The following ZNF462 variants were observed in gnomAD, a reference collection of about 807,000 sequenced individuals.
ZNF462 encodes zinc finger protein 462.
A neutral mutation model predicts 201.9 loss-of-function variants in ZNF462; 10 were observed. That is an observed-to-expected ratio of 0.05 (90% CI 0.03 to 0.08). The LOEUF (loss-of-function observed/expected upper bound fraction) is 0.08, where lower values mean the gene tolerates loss of function less well. Ranked by LOEUF, ZNF462 falls within the 10% of genes least tolerant of loss-of-function variation. The pLI, the probability that ZNF462 is intolerant of heterozygous loss-of-function variation, is 1.00. For missense variants in ZNF462, 2,523 were observed against 3,168.3 expected (o/e 0.80, Z 4.89); for synonymous variants, 1,227 against 1,193.3 (o/e 1.03, Z -0.58).
rs183614527 is a variant in ZNF462, at chr9:106,946,863, A to C, written c.6427+7756A>C. Among the ~76,000 whole-genome samples, 90 of 152,270 alleles carry C rather than the reference A, an allele frequency of 5.9e-4. 1 individual carries two copies. Among genetic ancestry groups the C allele is most frequent in the Middle Eastern group, 3.4e-3 (1 of 292 alleles). ...GAGGTGAGAATAAGATGCCAGAAAT[A>C]ACTTTTTAGCTACAATTATTTTTTT... is the stretch of plus-strand genomic sequence containing the variant. On this transcript the variant is annotated intron_variant, in intron 7 of 12. Coordinates refer to ENST00000277225, the MANE Select transcript of ZNF462 (RefSeq NM_021224.6).
chr9:106,965,525 T>C (rs944070039), intron 7 of ZNF462, among the ~76,000 whole-genome samples: 1 of 152,018 alleles, frequency 6.6e-6, no homozygotes, highest in Non-Finnish European at 1.5e-5. Flanking sequence ...GGCATGTCTC[T>C]GATGCGTTAT....
chr9:106,988,791 T>C (rs980574281), intron 10 of ZNF462, among the ~76,000 whole-genome samples: 2 of 152,146 alleles, frequency 1.3e-5, no homozygotes, highest in African/African-American at 4.8e-5. Flanking sequence ...CTTTATTTTT[T>C]TGCGGCTATT....
At chr9:106,914,191 A>T (rs774892535) in intron 1 of ZNF462, among the ~76,000 whole-genome samples, 2 of 141,356 alleles carry the variant, frequency 1.4e-5, no homozygotes, top group Non-Finnish European at 3.2e-5. Flanking sequence ...TTGACCCTCT[A>T]AGGATCCAGA....
rs527567999 is a variant in ZNF462, at chr9:106,992,443, A to G, written c.7056+8034A>G. Among the ~76,000 whole-genome samples, 9 of 152,208 alleles carry G rather than the reference A, an allele frequency of 5.9e-5. No homozygotes were observed. In the South Asian group the frequency reaches 1.9e-3, roughly 31 times the overall value. On this transcript the variant is annotated intron_variant, in intron 10 of 12. Coordinates refer to ENST00000277225, the MANE Select transcript of ZNF462 (RefSeq NM_021224.6). ...CTTCGGAGCAGTTTGGCATTTGTTT[A>G]TAAGTTAAACGTACACTTGCCATCT...
chr9:107,006,176 C>A lies in ZNF462; in HGVS notation c.7189+2750C>A, dbSNP rs975604307. Among the ~76,000 whole-genome samples, 1 of 152,202 alleles carries A rather than the reference C, an allele frequency of 6.6e-6. No homozygotes were observed. Among genetic ancestry groups the A allele is most frequent in the South Asian group, 2.1e-4 (1 of 4,818 alleles). On this transcript the variant is annotated intron_variant, in intron 11 of 12. Coordinates refer to ENST00000277225, the MANE Select transcript of ZNF462 (RefSeq NM_021224.6). The surrounding 1 kb of genome is among the most constrained non-coding windows in gnomAD (Gnocchi z 4.3). Reference sequence around the variant, plus strand: ...TTCTTTGGCTATCCAGGGTGTGGTTCCATGGGTTGTTGTAAAGATTAAATG... The same window carrying A: ...TTCTTTGGCTATCCAGGGTGTGGTTACATGGGTTGTTGTAAAGATTAAATG...
rs1450018693 is a variant in ZNF462 at position 106,938,137 on chromosome 9, G to T, written c.6236-779G>T. On this transcript the variant is annotated intron_variant, in intron 6 of 12. Coordinates refer to ENST00000277225, the MANE Select transcript of ZNF462 (RefSeq NM_021224.6). The surrounding 1 kb of genome is among the most constrained non-coding windows in gnomAD (Gnocchi z 4.4). ...CACACTTTAACTTAATTTGGTCATGGTGATCTGTGTTGTATTTCAGTGGCA... is the reference window on the plus strand; with the variant it reads ...CACACTTTAACTTAATTTGGTCATGTTGATCTGTGTTGTATTTCAGTGGCA... 6.6e-6 allele frequency among the ~76,000 whole-genome samples: 1 copy of T among 152,116 alleles called. No individual in the cohort carries two copies. The highest frequency in any genetic ancestry group is 2.4e-5 in the African/African-American group (1 of 41,420).
At chr9:106,988,140 A>G (rs1827993741) in intron 10 of ZNF462, among the ~76,000 whole-genome samples, 1 of 152,090 alleles carries the variant, frequency 6.6e-6, no homozygotes, top group South Asian at 2.1e-4. Flanking sequence ...CGTACCTGAG[A>G]CTGGGCAATT....
At chr9:107,004,692 G>A (rs1275163036) in intron 11 of ZNF462, among the ~76,000 whole-genome samples, 1 of 151,944 alleles carries the variant, frequency 6.6e-6, no homozygotes, top group Non-Finnish European at 1.5e-5. Flanking sequence ...ATTAACATAT[G>A]CATTACCTCA....
rs1830606559 is a variant in ZNF462, at chr9:106,935,781, A to G, written c.6235+160A>G. ...TATTTTTACCTAGTAAAGAAAAAAT[A>G]AAGAAAAAAGTAAAAGTTAAACAAA... On this transcript the variant is annotated intron_variant, in intron 6 of 12. Coordinates refer to ENST00000277225, the MANE Select transcript of ZNF462 (RefSeq NM_021224.6). This position sits in a 1 kb window ranked among gnomAD's most constrained non-coding sequence, Gnocchi z 4.1. Among the ~76,000 whole-genome samples, 1 of 152,260 alleles carries G rather than the reference A, an allele frequency of 6.6e-6. No homozygotes were observed. The highest frequency in any genetic ancestry group is 6.5e-5 in the Admixed American group (1 of 15,288).
Position 107,010,951 on chromosome 9 carries a change from T to C in ZNF462, c.7442T>C (p.Leu2481Pro), listed in dbSNP as rs762550486. The C allele has an allele frequency of 2.5e-6, 4 of 1,613,776 alleles. 1 individual carries two copies. Among genetic ancestry groups the C allele is most frequent in the Non-Finnish European group, 3.4e-6 (4 of 1,179,898 alleles). The change falls in exon 13 of 13, where the codon CTA (leucine) becomes CCA (proline). Residue 2481 changes from leucine (L) to proline (P), a missense_variant. Around this residue, in one of 15 missense-constraint regions of ZNF462, gnomAD observed 67 missense variants for 63.2 expected, o/e 1.06. Transcript: ENST00000277225. This position sits in a 1 kb window ranked among gnomAD's most constrained non-coding sequence, Gnocchi z 4.6. ...GAGGCCATTGGGATAGACTTTTCCCTAAAGAATGAAACAGTAGCCATCTGT... is the reference window on the plus strand; with the variant it reads ...GAGGCCATTGGGATAGACTTTTCCCCAAAGAATGAAACAGTAGCCATCTGT... ...DDEAIGIDFS[L>P]KNETVAICVV...
intron 10 of ZNF462, among the ~76,000 whole-genome samples, chr9:107,000,129 A>C (rs1292703448): frequency 2.0e-5 from 3 of 151,952 alleles, no homozygotes; most frequent in Admixed American, 6.6e-5. Context: ...GGCATGAGAG[A>C]GTGTCAGACA....
intron 1 of ZNF462, among the ~76,000 whole-genome samples, chr9:106,900,750 A>G (rs7870965): frequency 0.1 from 15,593 of 151,668 alleles, 810 homozygotes; most frequent in East Asian, 0.16. Flanking sequence ...TTTCTTACTG[A>G]TTTGTTTGAA....
At chr9:106,961,236 C>T (rs1283169288) in intron 7 of ZNF462, among the ~76,000 whole-genome samples, 1 of 152,068 alleles carries the variant, frequency 6.6e-6, no homozygotes, top group Non-Finnish European at 1.5e-5. Flanking sequence ...TCCAGATGTG[C>T]TGATAGCATG....
chr9:107,000,138 C>A (rs1353646669), intron 10 of ZNF462, among the ~76,000 whole-genome samples: 2 of 151,874 alleles, frequency 1.3e-5, no homozygotes, highest in African/African-American at 4.8e-5. Flanking sequence ...GAGTGTCAGA[C>A]AGGTGAGATG....
intron 7 of ZNF462, among the ~76,000 whole-genome samples, chr9:106,941,325 G>A (rs912012644): frequency 1.3e-5 from 2 of 152,150 alleles, no homozygotes; most frequent in African/African-American, 4.8e-5. Context: ...TTACATTTGA[G>A]CTAACCATAA....
At position 106,865,271 on chromosome 9, in the gene ZNF462, A is replaced by C. The variant is rs1168386752; in HGVS notation, c.-31+1916A>C. Reference sequence around the variant, plus strand: ...CTCCTTCAGGAAAGGCAAGGCAAAAACCTTAAAACAGTTCCACTGAGGTCT... The same window carrying C: ...CTCCTTCAGGAAAGGCAAGGCAAAACCCTTAAAACAGTTCCACTGAGGTCT... On this transcript the variant is annotated intron_variant, in intron 1 of 12. Transcript: ENST00000277225. This position sits in a 1 kb window ranked among gnomAD's most constrained non-coding sequence, Gnocchi z 4.1. Among the ~76,000 whole-genome samples the C allele has an allele frequency of 6.6e-6, 1 of 152,070 alleles. No individual in the cohort carries two copies. The highest frequency in any genetic ancestry group is 1.5e-5 in the Non-Finnish European group (1 of 68,016).
chr9:106,904,728 G>A (rs1829196392), intron 1 of ZNF462, among the ~76,000 whole-genome samples: 2 of 152,094 alleles, frequency 1.3e-5, no homozygotes, highest in Non-Finnish European at 2.9e-5. Flanking sequence ...AGAGCATTTT[G>A]CATTTCTAAA....
Position 106,929,662 on chromosome 9 carries a change from A to G in ZNF462, c.5750A>G (p.Glu1917Gly), listed in dbSNP as rs1830346052. The change falls in exon 3 of 13, where the codon GAA becomes GGA. Residue 1917 changes from glutamate to glycine, a missense_variant. This residue lies in a region of ZNF462 where 107 missense variants were observed against 187.7 expected (regional missense o/e 0.57). Coordinates refer to ENST00000277225, the MANE Select transcript of ZNF462 (RefSeq NM_021224.6). This position sits in a 1 kb window ranked among gnomAD's most constrained non-coding sequence, Gnocchi z 8.7. ...LTSHLNIHNEEFQKRAKRQER... is the reference protein window; with the variant it reads ...LTSHLNIHNEGFQKRAKRQER... ...TCACACTTGAACATTCACAATGAGG[A>G]ATTCCAGAAGCGTGCCAAACGTCAG... is the stretch of plus-strand genomic sequence containing the variant. 6.2e-7 allele frequency: 1 copy of G among 1,614,086 alleles called. No homozygotes were observed. Among genetic ancestry groups the G allele is most frequent in the African/African-American group, 1.3e-5 (1 of 74,922 alleles).
At chr9:106,903,133 G>C (rs1384760395) in intron 1 of ZNF462, among the ~76,000 whole-genome samples, 1 of 151,922 alleles carries the variant, frequency 6.6e-6, no homozygotes, top group Non-Finnish European at 1.5e-5. Context: ...GATAGGTTGT[G>C]TCATTAAGTT....
Sources: gnomAD v4.1 joint callset for allele counts (sites outside exome capture counted in the v4.1 genomes callset) on GRCh38, gnomAD v4.1.1 for gene constraint, gnomAD v4.1.1 regional missense constraint, Gnocchi (gnomAD v3.1) non-coding constraint, MANE v1.5 for transcripts, NCBI Gene and HGNC (gene_info 2026-07-23, HGNC 2026-07-21) for gene names.